Variants in MVD observed in about 807,000 individuals in gnomAD.
MVD encodes mevalonate diphosphate decarboxylase.
Under a neutral mutation model 42.4 loss-of-function variants are expected in MVD, and 52 were observed. The observed-to-expected ratio is 1.23, with a 90% confidence interval of 0.98 to 1.55. MVD has a LOEUF of 1.55. Ranked by LOEUF, MVD falls within the 40% of genes most tolerant of loss-of-function variation. The pLI is 0.00. For missense variants in MVD, 663 were observed against 572.1 expected (o/e 1.16, Z -1.62); for synonymous variants, 287 against 243.2 (o/e 1.18, Z -1.68).
intron 2 of MVD, among the ~76,000 whole-genome samples, chr16:88,658,295 G>A (rs1183117459): frequency 2.6e-5 from 4 of 152,174 alleles, no homozygotes; most frequent in African/African-American, 4.8e-5. Flanking sequence ...CACGGTGTGC[G>A]CATGTGTGAC....
chr16:88,657,543 C>A lies in MVD; in HGVS notation c.296G>T (p.Gly99Val). The A allele has an allele frequency of 1.2e-6, 2 of 1,612,802 alleles. No homozygotes were observed. Among genetic ancestry groups the A allele is most frequent in the Non-Finnish European group, 1.7e-6 (2 of 1,179,916 alleles). ...LARKRRNSRDGDPLPSSLSCK... is the reference protein window; with the variant it reads ...LARKRRNSRDVDPLPSSLSCK... Reference sequence around the variant, plus strand: ...GCTGAGGCTGGAGGGCAGCGGGTCCCCATCCCGTGAGTTCCTCCGCTTCCG... The same window carrying A: ...GCTGAGGCTGGAGGGCAGCGGGTCCACATCCCGTGAGTTCCTCCGCTTCCG... The change falls in exon 4 of 10, where the codon GGG (glycine) becomes GTG (valine). Residue 99 changes from glycine to valine, a missense_variant. By Grantham distance (109) the Gly-to-Val change is moderately radical. Coordinates refer to ENST00000301012, the MANE Select transcript of MVD (RefSeq NM_002461.3).
At chr16:88,656,022 G>A (rs912174353) in intron 5 of MVD, 83 bp downstream of exon 5, 8 of 1,498,638 alleles carry the variant, frequency 5.3e-6, no homozygotes, top group South Asian at 2.5e-5. Context: ...CTGGATGGAC[G>A]CCTTCGCTCC....
chr16:88,654,553 G>T, intron 8 of MVD, 139 bp downstream of exon 8: 1 of 775,508 alleles, frequency 1.3e-6, no homozygotes, highest in Non-Finnish European at 2.0e-6. Context: ...CCCTGCCCGT[G>T]GCTCCCACAC....
chr16:88,656,191 C>G lies in MVD; in HGVS notation c.517G>C (p.Gly173Arg). The change falls in exon 5 of 10, where the codon GGA becomes CGA. Residue 173 changes from glycine to arginine, a missense_variant. Transcript: ENST00000301012. ...CTGTCCTTCCCGTCGGCCTGCTCTC[C>G]CATCTGCCACTCCACAAAGCCCCCA... Reference protein sequence around the residue: ...LYGGFVEWQMGEQADGKDSIA... With the variant: ...LYGGFVEWQMREQADGKDSIA... The G allele has an allele frequency of 6.2e-7, 1 of 1,601,788 alleles. No individual in the cohort carries two copies. Among genetic ancestry groups the G allele is most frequent in the Non-Finnish European group, 8.5e-7 (1 of 1,179,942 alleles).
In MVD at chr16:88,655,408, C is replaced by T. The variant is rs139812589; in HGVS notation, c.688G>A (p.Glu230Lys). The T allele has an allele frequency of 1.5e-4, 234 of 1,574,142 alleles. No homozygotes were observed. In the African/African-American group the frequency reaches 2.2e-3, roughly 15 times the overall value. The change falls in exon 7 of 10, where the codon GAG becomes AAG. Residue 230 changes from glutamate to lysine, a missense_variant. Glu to Lys is a moderately conservative substitution (Grantham distance 56). Coordinates refer to ENST00000301012, the MANE Select transcript of MVD (RefSeq NM_002461.3). Reference protein sequence around the residue: ...ETSPLLRFRAESVVPARMAEM... With the variant: ...ETSPLLRFRAKSVVPARMAEM... ...GCCATGCGCGCGGGCACCACGGACT[C>T]GGCCCGGAACTGCAAGGCACAGGGT...
At chr16:88,653,236 G>A (rs1907690913) in intron 9 of MVD, 64 bp downstream of exon 9, 3 of 1,361,448 alleles carry the variant, frequency 2.2e-6, no homozygotes, top group Non-Finnish European at 1.0e-6. Context: ...GGGCCCTGGG[G>A]GCTGGGCGGG....
intron 1 of MVD, 53 bp from the exon 2 acceptor site, chr16:88,658,773 C>G: frequency 6.8e-7 from 1 of 1,462,048 alleles, no homozygotes; most frequent in Non-Finnish European, 9.3e-7. Flanking sequence ...CACCCTCCCC[C>G]AGTGTTCCCC....
intron 3 of MVD, 40 bp from the exon 4 acceptor site, chr16:88,657,622 C>T: frequency 6.3e-7 from 1 of 1,598,562 alleles, no homozygotes; most frequent in Non-Finnish European, 8.5e-7. Context: ...CAGCCGTCAG[C>T]ACCCTGCCCG....
rs375900363 is a variant in MVD, at chr16:88,655,346, G to A, written c.750C>T (p.Pro250=). ...CCTTCATGGTCAGCTGGGCGAAGCT[G>A]GGGAAGTCTCGCTCCCGGATGCAGC... ...MARCIRERDF[P]SFAQLTMKDS... Residue 250 remains proline (P), a synonymous_variant, in exon 7 of 10, where the codon CCC becomes CCT. Coordinates refer to ENST00000301012, the MANE Select transcript of MVD (RefSeq NM_002461.3). The A allele has an allele frequency of 3.7e-5, 59 of 1,602,914 alleles. No homozygotes were observed. Among genetic ancestry groups the A allele is most frequent in the Middle Eastern group, 1.7e-4 (1 of 6,032 alleles).
chr16:88,655,538 G>C, intron 6 of MVD, 118 bp downstream of exon 6: 6 of 1,505,570 alleles, frequency 4.0e-6, no homozygotes, highest in Non-Finnish European at 5.4e-6. Context: ...GCTCCTGCAC[G>C]TGGTCTTGGC....
intron 9 of MVD, 78 bp downstream of exon 9, chr16:88,653,222 T>G: frequency 2.5e-6 from 3 of 1,200,454 alleles, no homozygotes; most frequent in Non-Finnish European, 3.5e-6. Flanking sequence ...CGCTTAGCCT[T>G]TAAGGGCCCT....
chr16:88,656,952 C>G, intron 4 of MVD: 1 of 333,384 alleles, frequency 3.0e-6, no homozygotes, highest in South Asian at 2.3e-5. Flanking sequence ...CTGGGGCCAG[C>G]AGAGAGCTGG....
chr16:88,662,808 G>T, intron 1 of MVD: 4 of 1,472,520 alleles, frequency 2.7e-6, no homozygotes, highest in Non-Finnish European at 3.6e-6. Flanking sequence ...CGTCGCGGGG[G>T]AACGGGTGGC....
Position 88,656,274 on chromosome 16 carries a change from T to G in MVD, c.434A>C (p.Glu145Ala). The change falls in exon 5 of 10, where the codon GAG (glutamate) becomes GCG (alanine). Residue 145 changes from glutamate (E) to alanine (A), a missense_variant. Physicochemically the swap from Glu to Ala is moderately radical, Grantham distance 107 (BLOSUM62 -1). Coordinates refer to ENST00000301012, the MANE Select transcript of MVD (RefSeq NM_002461.3). The part of the protein sequence containing the change: ...AYTLARVYGV[E>A]SDLSEVARRG... ...GCGAGCCACTTCTGAGAGGTCACTC[T>G]CCACGCCGTAGACACGGGCCAGGGT... 1 of 1,599,982 alleles carries G rather than the reference T, an allele frequency of 6.3e-7. No homozygotes were observed.
In MVD at chr16:88,658,631, G is replaced by T; in HGVS notation, c.141+19C>A. On this transcript the variant is annotated intron_variant, in intron 2 of 9. Coordinates refer to ENST00000301012, the MANE Select transcript of MVD (RefSeq NM_002461.3). ...TCTGGAAATGGCACTGTGGTGTTTA[G>T]TCGTCAGTCCACACATACCTGGTCC... is the stretch of plus-strand genomic sequence containing the variant. The T allele has an allele frequency of 1.2e-6, 2 of 1,611,246 alleles. No homozygotes were observed. Among genetic ancestry groups the T allele is most frequent in the Admixed American group, 1.7e-5 (1 of 59,924 alleles).
At chr16:88,652,682 A>G (rs2142889072) in intron 9 of MVD, 77 bp from the exon 10 acceptor site, 1 of 1,384,404 alleles carries the variant, frequency 7.2e-7, no homozygotes, top group African/African-American at 1.4e-5. Flanking sequence ...AGGGCCGGAC[A>G]CAGGAGGGTA....
In MVD at chr16:88,655,218, G is replaced by A. The variant is rs1476505800; in HGVS notation, c.878C>T (p.Ala293Val). ...CGTCACCTTGGTGTCCCCGTGGTGG[G>A]CGTTGAAGCGGTGCACCAGGTGGAT... The part of the protein sequence containing the change: ...RIIHLVHRFN[A>V]HHGDTKVAYT... The change falls in exon 7 of 10, where the codon GCC (alanine) becomes GTC (valine). Residue 293 changes from alanine (A) to valine (V), a missense_variant. Ala to Val is a moderately conservative substitution (Grantham distance 64, BLOSUM62 0). Transcript: ENST00000301012. 3.8e-6 allele frequency: 6 copies of A among 1,568,790 alleles called. No individual in the cohort carries two copies. Among genetic ancestry groups the A allele is most frequent in the African/African-American group, 1.4e-5 (1 of 74,028 alleles).
At position 88,655,259 on chromosome 16, in the gene MVD, G is replaced by A. The variant is rs1490001860; in HGVS notation, c.837C>T (p.Ala279=). The A allele has an allele frequency of 6.3e-7, 1 of 1,589,218 alleles. No individual in the cohort carries two copies. The highest frequency in any genetic ancestry group is 8.6e-7 in the Non-Finnish European group (1 of 1,167,968). ...CCAGGTGGATGATGCGCCAGGAGAT[G>A]GCATTGAGGTAAGAGATGGGCGGGA... ...DTFPPISYLN[A]ISWRIIHLVH... Residue 279 remains alanine (A), a synonymous_variant, in exon 7 of 10, where the codon GCC becomes GCT. Coordinates refer to ENST00000301012, the MANE Select transcript of MVD (RefSeq NM_002461.3).
chr16:88,659,414 C>G (rs1268770845), intron 1 of MVD: 2 of 152,786 alleles, frequency 1.3e-5, no homozygotes, highest in Non-Finnish European at 2.9e-5. Flanking sequence ...CGCCGCTGCC[C>G]TGACAGGCCG....
Sources: allele counts gnomAD v4.1 joint callset (sites outside exome capture counted in the v4.1 genomes callset), GRCh38; gene constraint gnomAD v4.1.1; transcripts MANE v1.5; gene names NCBI Gene and HGNC (gene_info 2026-07-23, HGNC 2026-07-21).